The following UBE2E2 variants were observed in gnomAD, a reference collection of about 807,000 sequenced individuals.
The protein encoded by UBE2E2 is ubiquitin conjugating enzyme E2 E2.
In UBE2E2, 6 loss-of-function variants were observed where a neutral mutation model predicts 24.7. The ratio of observed to expected loss-of-function variants is 0.24; its 90% CI spans 0.13 to 0.48. The LOEUF is 0.48. Among genes scored for constraint, UBE2E2 ranks in the 20% least tolerant of loss-of-function variants. The probability of loss-of-function intolerance (pLI) is 0.99; values close to 1 mark genes in which losing one functional copy is unlikely to be tolerated. For missense variants in UBE2E2, 169 were observed against 245.0 expected, an observed-to-expected ratio of 0.69 and a Z score of 2.07; for synonymous variants, 104 against 83.6, an observed-to-expected ratio of 1.24 and a Z score of -1.33.
chr3:23,578,009 G>GAAAA (rs58612058), intron 5 of UBE2E2, among the ~76,000 whole-genome samples: 1 of 103,256 alleles, frequency 9.7e-6, no homozygotes, highest in African/African-American at 3.3e-5. Flanking sequence ...CTACCTCTCA[G>GAAAA]AAAAAAAAAA....
intron 3 of UBE2E2, among the ~76,000 whole-genome samples, chr3:23,232,481 A>T (rs911990940): frequency 1.4e-5 from 2 of 147,580 alleles, no homozygotes; most frequent in Non-Finnish European, 1.5e-5. Flanking sequence ...TACCCCTTCA[A>T]ATTTATCAAA....
At chr3:23,261,424 C>T (rs192793831) in intron 3 of UBE2E2, among the ~76,000 whole-genome samples, 35 of 152,204 alleles carry the variant, frequency 2.3e-4, no homozygotes, top group Non-Finnish European at 3.5e-4. Context: ...AGTTAGCTAA[C>T]ACGTGTATCA....
At chr3:23,371,643 G>A (rs1575591188) in intron 3 of UBE2E2, among the ~76,000 whole-genome samples, 1 of 152,120 alleles carries the variant, frequency 6.6e-6, no homozygotes, top group Admixed American at 6.5e-5. Flanking sequence ...CACTAAGCCA[G>A]CAATTTTCAA....
At chr3:23,509,977 T>G (rs552661409) in intron 4 of UBE2E2, among the ~76,000 whole-genome samples, 6 of 152,250 alleles carry the variant, frequency 3.9e-5, no homozygotes, top group Admixed American at 3.3e-4. Context: ...CAATCTATCA[T>G]TGTTAGACAT....
In UBE2E2 at chr3:23,244,557, A is replaced by G. The variant is rs139003274; in HGVS notation, c.227+27245A>G. ...TTTATTATAGCTGAGTACTAGAACA[A>G]TGCTTCAAAGAGGAAAACGTACAGA... On this transcript the variant is annotated intron_variant, in intron 3 of 5. Coordinates refer to ENST00000396703, the MANE Select transcript of UBE2E2 (RefSeq NM_152653.4). 1.6e-3 allele frequency among the ~76,000 whole-genome samples: 244 copies of G among 152,310 alleles called. 4 individuals are homozygous for G. In the East Asian group the frequency reaches 0.038, roughly 24 times the overall value.
chr3:23,269,801 A>G (rs1227825223), intron 3 of UBE2E2, among the ~76,000 whole-genome samples: 1 of 152,196 alleles, frequency 6.6e-6, no homozygotes, highest in African/African-American at 2.4e-5. Flanking sequence ...GAAATCATAC[A>G]GGGAGGAAAA....
chr3:23,535,394 C>G (rs1695231468), intron 5 of UBE2E2, among the ~76,000 whole-genome samples: 1 of 152,152 alleles, frequency 6.6e-6, no homozygotes, highest in African/African-American at 2.4e-5. Flanking sequence ...GTATCTAACG[C>G]CGTCACCTCA....
At chr3:23,522,128 ATTTTT>A (rs34111484) in intron 4 of UBE2E2, among the ~76,000 whole-genome samples, 1 of 124,272 alleles carries the variant, frequency 8.0e-6, no homozygotes, top group Non-Finnish European at 1.6e-5. Context: ...TAACCAGCTA[ATTTTT>A]TTTTTTTTTT....
intron 3 of UBE2E2, among the ~76,000 whole-genome samples, chr3:23,222,891 C>T (rs1231203899): frequency 6.6e-6 from 1 of 152,010 alleles, no homozygotes; most frequent in Non-Finnish European, 1.5e-5. Flanking sequence ...CTATTGCCGT[C>T]TGTTTGATCT....
intron 3 of UBE2E2, among the ~76,000 whole-genome samples, chr3:23,425,063 C>T (rs1181787800): frequency 6.6e-6 from 1 of 152,104 alleles, no homozygotes; most frequent in Admixed American, 6.6e-5. Context: ...CACAGGGAAT[C>T]GTGTTTTAAC....
chr3:23,507,027 T>C (rs1559406107), intron 4 of UBE2E2, among the ~76,000 whole-genome samples: 2 of 152,202 alleles, frequency 1.3e-5, no homozygotes, highest in African/African-American at 2.4e-5. Flanking sequence ...TATAAAGCCA[T>C]ATAGAACCAC....
At chr3:23,303,558 CATATG>C (rs1007261436) in intron 3 of UBE2E2, among the ~76,000 whole-genome samples, 4 of 152,018 alleles carry the variant, frequency 2.6e-5, no homozygotes, top group African/African-American at 9.7e-5. Flanking sequence ...CTTTAGAAGT[CATATG>C]ATAATGTTTG....
intron 3 of UBE2E2, among the ~76,000 whole-genome samples, chr3:23,251,299 G>A (rs1212619895): frequency 1.3e-5 from 2 of 152,066 alleles, no homozygotes; most frequent in African/African-American, 2.4e-5. Flanking sequence ...TCCTCCCAAC[G>A]CCCCCCTCAA....
chr3:23,447,311 A>G (rs1341583919), intron 3 of UBE2E2, among the ~76,000 whole-genome samples: 1 of 152,216 alleles, frequency 6.6e-6, no homozygotes, highest in Non-Finnish European at 1.5e-5. Flanking sequence ...GAAGTGAAAG[A>G]AAAGCATTTT....
At chr3:23,214,257 T>A (rs1378168384) in intron 2 of UBE2E2, among the ~76,000 whole-genome samples, 1 of 152,038 alleles carries the variant, frequency 6.6e-6, no homozygotes, top group Non-Finnish European at 1.5e-5. Context: ...TTATGATTTA[T>A]CAGTTTTTTT....
intron 3 of UBE2E2, among the ~76,000 whole-genome samples, chr3:23,408,398 A>G (rs369883561): frequency 2.0e-5 from 3 of 152,282 alleles, no homozygotes; most frequent in East Asian, 1.9e-4. Flanking sequence ...TTAAATCTGG[A>G]TCACACTGGG....
At chr3:23,466,349 C>A (rs1698918705) in intron 3 of UBE2E2, among the ~76,000 whole-genome samples, 1 of 152,198 alleles carries the variant, frequency 6.6e-6, no homozygotes, top group South Asian at 2.1e-4. Flanking sequence ...ATGATCTCAG[C>A]ACTAGTTGTC....
At chr3:23,559,534 A>G (rs911325854) in intron 5 of UBE2E2, among the ~76,000 whole-genome samples, 4 of 152,212 alleles carry the variant, frequency 2.6e-5, no homozygotes, top group African/African-American at 9.6e-5. Context: ...ACTTGTCTCC[A>G]GAAATAAAAG....
At chr3:23,417,711 C>T (rs1575615855) in intron 3 of UBE2E2, among the ~76,000 whole-genome samples, 1 of 152,204 alleles carries the variant, frequency 6.6e-6, no homozygotes, top group Admixed American at 6.5e-5. Flanking sequence ...TATCTATAAA[C>T]CCCTGACTAG....
Sources: allele counts gnomAD v4.1 joint callset (sites outside exome capture counted in the v4.1 genomes callset), GRCh38; gene constraint gnomAD v4.1.1; transcripts MANE v1.5; gene names NCBI Gene and HGNC (gene_info 2026-07-23, HGNC 2026-07-21).